The following FBXO42 variants were observed in gnomAD, a reference collection of about 807,000 sequenced individuals.
FBXO42 encodes the protein F-box only protein 42.
Under a neutral mutation model 71.7 loss-of-function variants are expected in FBXO42, and 12 were observed. That is an observed-to-expected ratio of 0.17 (90% CI 0.11 to 0.27). FBXO42 has a LOEUF of 0.27. FBXO42 is among the 10% of genes least tolerant of loss of function. FBXO42 has a pLI of 1.00. For synonymous variants in FBXO42, 325 were observed against 327.5 expected, an observed-to-expected ratio of 0.99 and a Z score of 0.08; for missense variants, 707 against 911.9, an observed-to-expected ratio of 0.78 and a Z score of 2.89.
rs2081571359 is a variant in FBXO42, at chr1:16,249,701, A to C, written c.*969T>G. The C allele has an allele frequency of 6.6e-6, 1 of 152,186 alleles. No individual in the cohort carries two copies. Among genetic ancestry groups the C allele is most frequent in the Non-Finnish European group, 1.5e-5 (1 of 68,032 alleles). The allele number at this position is 152,186 out of a possible 1,614,324, so 9.4% of individuals were successfully genotyped here. On this transcript the variant is annotated 3_prime_UTR_variant, in exon 10 of 10. Transcript: ENST00000375592. ...GGAAAGGGTTCCACAAGTATTTCTAAGCAGCTTCTGATTTCTGTAGGCACC... is the reference window on the plus strand; with the variant it reads ...GGAAAGGGTTCCACAAGTATTTCTACGCAGCTTCTGATTTCTGTAGGCACC...
At chr1:16,302,483 C>G (rs1373172433) in intron 3 of FBXO42, among the ~76,000 whole-genome samples, 1 of 152,146 alleles carries the variant, frequency 6.6e-6, no homozygotes, top group Admixed American at 6.6e-5. Flanking sequence ...TACAAAGCAG[C>G]AGGAGAAAGA....
chr1:16,320,591 C>T (rs1395815642), intron 1 of FBXO42, among the ~76,000 whole-genome samples: 10 of 151,882 alleles, frequency 6.6e-5, no homozygotes, highest in Non-Finnish European at 1.2e-4. Flanking sequence ...GCAACCTCTG[C>T]CTCCCAGGTT....
chr1:16,308,494 C>CTTT (rs71003268), intron 2 of FBXO42, among the ~76,000 whole-genome samples: 91 of 126,702 alleles, frequency 7.2e-4, no homozygotes, highest in East Asian at 1.6e-3. Context: ...ACCCATCTCT[C>CTTT]TTTTTTTTTT....
At chr1:16,347,992 C>CAAAAAAAAA (rs541561756) in intron 1 of FBXO42, among the ~76,000 whole-genome samples, 1 of 67,714 alleles carries the variant, frequency 1.5e-5, no homozygotes, top group Non-Finnish European at 3.0e-5. Context: ...GACTCCGTCT[C>CAAAAAAAAA]AAAAAAAAAA....
chr1:16,310,428 A>G (rs1169600347), intron 2 of FBXO42, among the ~76,000 whole-genome samples: 2 of 152,026 alleles, frequency 1.3e-5, no homozygotes, highest in Middle Eastern at 3.4e-3. Flanking sequence ...CTATTTGGGA[A>G]GCTGAATTTG....
intron 4 of FBXO42, among the ~76,000 whole-genome samples, chr1:16,260,284 C>T (rs1351902009): frequency 1.3e-5 from 2 of 149,814 alleles, no homozygotes; most frequent in Non-Finnish European, 3.0e-5. Flanking sequence ...TCTCGGCTCA[C>T]TGCAACCTCT....
At chr1:16,317,144 G>A (rs973632261) in intron 1 of FBXO42, among the ~76,000 whole-genome samples, 2 of 152,070 alleles carry the variant, frequency 1.3e-5, no homozygotes, top group East Asian at 1.9e-4. Flanking sequence ...TAGGCCGGGC[G>A]CAGTGGCTCA....
At position 16,251,245 on chromosome 1, in the gene FBXO42, T is replaced by C. The variant is rs1247454743; in HGVS notation, c.1579A>G (p.Met527Val). 6.2e-7 allele frequency: 1 copy of C among 1,613,980 alleles called. No individual in the cohort carries two copies. Among genetic ancestry groups the C allele is most frequent in the South Asian group, 1.1e-5 (1 of 91,072 alleles). The change falls in exon 10 of 10, where the codon ATG becomes GTG. Residue 527 changes from methionine (M) to valine (V), a missense_variant. Physicochemically the swap from Met to Val is conservative, Grantham distance 21. This residue lies in a region of FBXO42 where 482 missense variants were observed against 587.1 expected (regional missense o/e 0.82). Transcript: ENST00000375592. The surrounding 1 kb of genome is among the most constrained non-coding windows in gnomAD (Gnocchi z 4.5). ...GMDNRTVGGSMRHPPEQTNGV... is the reference protein window; with the variant it reads ...GMDNRTVGGSVRHPPEQTNGV... ...TTTGTCTGTTCAGGAGGGTGTCTCA[T>C]ACTTCCCCCAACTGTCCTATTGTCC...
intron 1 of FBXO42, among the ~76,000 whole-genome samples, chr1:16,329,205 A>T (rs1332269545): frequency 6.6e-6 from 1 of 151,540 alleles, no homozygotes; most frequent in African/African-American, 2.4e-5. Flanking sequence ...GATTGTGTAA[A>T]AGGGGCAAAG....
In FBXO42 at chr1:16,313,308, GAA is replaced by G. The variant is rs1431672197; in HGVS notation, c.250+1859_250+1860del. On this transcript the variant is annotated intron_variant, in intron 2 of 9. Transcript: ENST00000375592. ...AAAAGAAGAAAGAGAGAGAAAGAAAGAAAGAGAAAAGAAAACAAAGAAAGAAA... is the reference window on the plus strand; with the variant it reads ...AAAAGAAGAAAGAGAGAGAAAGAAAGAGAGAAAAGAAAACAAAGAAAGAAA... 6.9e-3 allele frequency among the ~76,000 whole-genome samples: 962 copies of G among 140,060 alleles called. 15 individuals carry two copies. The highest frequency in any genetic ancestry group is 0.026 in the African/African-American group (921 of 34,962). 91.9% of individuals were successfully genotyped at this position (140,060 alleles called of 152,430 possible).
chr1:16,297,163 C>G (rs12724301), intron 3 of FBXO42, among the ~76,000 whole-genome samples: 41,454 of 151,824 alleles, frequency 0.27, 6,559 homozygotes, highest in Non-Finnish European at 0.37. Context: ...AAGCTGGTCT[C>G]GAACTCCTGA....
In FBXO42 at chr1:16,269,585, G is replaced by A. The variant is rs984385021; in HGVS notation, c.503-12826C>T. On this transcript the variant is annotated intron_variant, in intron 4 of 9. Coordinates refer to ENST00000375592, the MANE Select transcript of FBXO42 (RefSeq NM_018994.3). ...TTGTTGCCCAGGCTGGAGTGCAATGGCGTGATCTCGGCTCACTGTAACCTC... is the reference window on the plus strand; with the variant it reads ...TTGTTGCCCAGGCTGGAGTGCAATGACGTGATCTCGGCTCACTGTAACCTC... Among the ~76,000 whole-genome samples, 21 of 151,920 alleles carry A rather than the reference G, an allele frequency of 1.4e-4. No individual in the cohort carries two copies. In the East Asian group the frequency reaches 2.1e-3, roughly 16 times the overall value.
chr1:16,321,134 T>G (rs56962526), intron 1 of FBXO42, among the ~76,000 whole-genome samples: 1 of 152,156 alleles, frequency 6.6e-6, no homozygotes, highest in Non-Finnish European at 1.5e-5. Context: ...ACTGCTGTAA[T>G]AGCCAATGTC....
chr1:16,295,674 T>C (rs1048024330), intron 3 of FBXO42, among the ~76,000 whole-genome samples: 26 of 152,180 alleles, frequency 1.7e-4, no homozygotes, highest in African/African-American at 6.3e-4. Flanking sequence ...ATTACAGGCA[T>C]GAGCCACCAT....
Position 16,295,459 on chromosome 1 carries a change from C to T in FBXO42, c.368-542G>A, listed in dbSNP as rs538742732. Reference sequence around the variant, plus strand: ...AGGCTGGAGTGCAGTGGCATGATCTCGGCTCACTGCAACATCTGCCTCCCA... The same window carrying T: ...AGGCTGGAGTGCAGTGGCATGATCTTGGCTCACTGCAACATCTGCCTCCCA... On this transcript the variant is annotated intron_variant, in intron 3 of 9. Coordinates refer to ENST00000375592, the MANE Select transcript of FBXO42 (RefSeq NM_018994.3). 1.1e-4 allele frequency among the ~76,000 whole-genome samples: 17 copies of T among 151,980 alleles called. No individual in the cohort carries two copies. The South Asian group carries it at 2.9e-3, about 26-fold the overall frequency.
chr1:16,256,659 G>A lies in FBXO42; in HGVS notation c.603C>T (p.His201=), dbSNP rs1195237416. Residue 201 remains histidine, a synonymous_variant, in exon 5 of 10, where the codon CAC becomes CAT. Transcript: ENST00000375592. ...TTTCATCAAAGAATCTCTCTGGCTGGTGTAGGGGATAAGGGCTTGGCCGCG... is the reference window on the plus strand; with the variant it reads ...TTTCATCAAAGAATCTCTCTGGCTGATGTAGGGGATAAGGGCTTGGCCGCG... ...GWTRPSPYPL[H]QPERFFDEIH... The A allele has an allele frequency of 1.9e-6, 3 of 1,614,094 alleles. No homozygotes were observed. The highest frequency in any genetic ancestry group is 1.7e-6 in the Non-Finnish European group (2 of 1,180,040).
At chr1:16,340,747 C>T (rs895528807) in intron 1 of FBXO42, among the ~76,000 whole-genome samples, 1 of 152,078 alleles carries the variant, frequency 6.6e-6, no homozygotes, top group Non-Finnish European at 1.5e-5. Flanking sequence ...GCTTAAAATA[C>T]GGTTAATAAA....
chr1:16,323,794 C>CAAAAAAAAA (rs1158421632), intron 1 of FBXO42, among the ~76,000 whole-genome samples: 1 of 63,258 alleles, frequency 1.6e-5, no homozygotes, highest in African/African-American at 7.0e-5. Flanking sequence ...GACTCTGTCT[C>CAAAAAAAAA]AAAAAAAAAA....
In FBXO42 at chr1:16,251,435, T is replaced by A. The variant is rs754309828; in HGVS notation, c.1389A>T (p.Ile463=). 1.3e-5 allele frequency: 21 copies of A among 1,613,988 alleles called. No homozygotes were observed. The South Asian group carries it at 2.3e-4, about 18-fold the overall frequency. ...CAGGAGCAGATGGAGTACTTGGAGA[T>A]ATGGCCTGTACAGGACTGTCCAAAG... ...GSSLDSPVQA[I]SPSTPSAPEG... Residue 463 remains isoleucine, a synonymous_variant, in exon 10 of 10, where the codon ATA becomes ATT. Transcript: ENST00000375592. This position sits in a 1 kb window ranked among gnomAD's most constrained non-coding sequence, Gnocchi z 4.5.
Sources: gnomAD v4.1 joint callset for allele counts (sites outside exome capture counted in the v4.1 genomes callset) on GRCh38, gnomAD v4.1.1 for gene constraint, gnomAD v4.1.1 regional missense constraint, Gnocchi (gnomAD v3.1) non-coding constraint, MANE v1.5 for transcripts, NCBI Gene and HGNC (gene_info 2026-07-23, HGNC 2026-07-21) for gene names.